Variants in C1QTNF3 observed in about 807,000 individuals in gnomAD.
The protein encoded by C1QTNF3 is complement C1q tumor necrosis factor-related protein 3.
C1QTNF3 carries 26 observed loss-of-function variants against 32.6 expected under a neutral mutation model. The ratio of observed to expected loss-of-function variants is 0.80; its 90% CI spans 0.58 to 1.11. The LOEUF is 1.11. C1QTNF3 is among the 50% of genes least tolerant of loss of function. The pLI is 0.00. For missense variants in C1QTNF3, 362 were observed against 398.2 expected, an observed-to-expected ratio of 0.91 and a Z score of 0.77; for synonymous variants, 155 against 146.0, an observed-to-expected ratio of 1.06 and a Z score of -0.44.
At chr5:34,076,839 T>G in the C1QTNF3 span, among the ~76,000 whole-genome samples, 12 of 151,458 alleles carry the variant, frequency 7.9e-5, no homozygotes, top group Non-Finnish European at 1.2e-4. Context: ...CTTGGCATAG[T>G]TGGTCCTGAG....
the C1QTNF3 span, among the ~76,000 whole-genome samples, chr5:34,127,071 T>C: frequency 6.6e-6 from 1 of 152,234 alleles, no homozygotes; most frequent in Non-Finnish European, 1.5e-5. Flanking sequence ...CTGAGTCCTC[T>C]ACAGCCATGA....
chr5:34,132,966 G>A, the C1QTNF3 span, among the ~76,000 whole-genome samples: 3 of 152,126 alleles, frequency 2.0e-5, no homozygotes, highest in African/African-American at 7.2e-5. Context: ...ATTAGATTGT[G>A]CATTAGCCGT....
the C1QTNF3 span, chr5:34,175,404 C>T: frequency 6.1e-6 from 1 of 163,954 alleles, no homozygotes; most frequent in African/African-American, 2.4e-5. Context: ...TTCGATGAGC[C>T]TGCTTTTCGC....
chr5:34,177,172 G>C, the C1QTNF3 span, among the ~76,000 whole-genome samples: 10 of 152,252 alleles, frequency 6.6e-5, no homozygotes, highest in East Asian at 1.9e-4. Context: ...CTGGGCAACA[G>C]AGTGAGGCTG....
At chr5:34,077,188 C>T in the C1QTNF3 span, among the ~76,000 whole-genome samples, 9 of 151,544 alleles carry the variant, frequency 5.9e-5, no homozygotes, top group Non-Finnish European at 8.8e-5. Context: ...GTTACACAAC[C>T]GCAGCTGTTT....
the C1QTNF3 span, among the ~76,000 whole-genome samples, chr5:34,217,037 T>C: frequency 6.6e-6 from 1 of 152,178 alleles, no homozygotes; most frequent in African/African-American, 2.4e-5. Flanking sequence ...ACAGACACTA[T>C]TCATCTATAC....
the C1QTNF3 span, among the ~76,000 whole-genome samples, chr5:34,175,116 T>A: frequency 2.0e-5 from 3 of 148,718 alleles, no homozygotes; most frequent in Admixed American, 2.0e-4. Context: ...TAATCACAGC[T>A]TACTGCAGCC....
chr5:34,211,916 A>G, the C1QTNF3 span, among the ~76,000 whole-genome samples: 1 of 152,162 alleles, frequency 6.6e-6, no homozygotes. Context: ...TAAAGTTCAT[A>G]TGGAACCAAA....
the C1QTNF3 span, among the ~76,000 whole-genome samples, chr5:34,195,573 G>A: frequency 6.6e-6 from 1 of 152,248 alleles, no homozygotes; most frequent in Non-Finnish European, 1.5e-5. Flanking sequence ...CGGGCGCGGT[G>A]GCTCATGCCT....
chr5:34,237,014 T>A, the C1QTNF3 span, among the ~76,000 whole-genome samples: 3 of 152,156 alleles, frequency 2.0e-5, no homozygotes, highest in African/African-American at 7.2e-5. Flanking sequence ...AGATATAGTA[T>A]CACAAAGGCG....
chr5:34,081,550 C>T, the C1QTNF3 span, among the ~76,000 whole-genome samples: 77,505 of 150,698 alleles, frequency 0.51, 22,156 homozygotes, highest in Non-Finnish European at 0.63. Context: ...TTTGAATCAA[C>T]AGAGAATAAA....
chr5:34,140,468 CA>C, the C1QTNF3 span, among the ~76,000 whole-genome samples: 1 of 151,962 alleles, frequency 6.6e-6, no homozygotes, highest in Non-Finnish European at 1.5e-5. Context: ...TAACACTGTC[CA>C]ATACATTAAG....
the C1QTNF3 span, among the ~76,000 whole-genome samples, chr5:34,135,275 T>C: frequency 6.6e-6 from 1 of 152,172 alleles, no homozygotes; most frequent in Non-Finnish European, 1.5e-5. Context: ...GCCGATCTTA[T>C]TGTGGTGGAT....
chr5:34,135,071 T>C, the C1QTNF3 span, among the ~76,000 whole-genome samples: 1 of 152,204 alleles, frequency 6.6e-6, no homozygotes, highest in African/African-American at 2.4e-5. Context: ...AAATAGCTCT[T>C]ACTATTTTGA....
At chr5:34,039,426 C>T (rs1048558285) in intron 1 of C1QTNF3, among the ~76,000 whole-genome samples, 13 of 152,136 alleles carry the variant, frequency 8.5e-5, no homozygotes, top group African/African-American at 2.2e-4. Flanking sequence ...TCTCTCCTTC[C>T]GCCTTATGAC....
the C1QTNF3 span, chr5:34,169,173 G>A: frequency 2.0e-5 from 3 of 152,098 alleles, no homozygotes; most frequent in Admixed American, 6.6e-5. Context: ...ATCAATTTCT[G>A]TTCTTTATAA....
At chr5:34,119,322 C>T in the C1QTNF3 span, among the ~76,000 whole-genome samples, 7 of 152,192 alleles carry the variant, frequency 4.6e-5, no homozygotes, top group South Asian at 4.1e-4. Flanking sequence ...AGAATTATCC[C>T]AATGATAGGG....
chr5:34,038,001 G>A (rs1490056034), intron 1 of C1QTNF3, among the ~76,000 whole-genome samples: 1 of 152,148 alleles, frequency 6.6e-6, no homozygotes, highest in Non-Finnish European at 1.5e-5. Flanking sequence ...TGGAACCATC[G>A]ATATAGGAAT....
the C1QTNF3 span, among the ~76,000 whole-genome samples, chr5:34,202,048 C>T: frequency 3.6e-3 from 545 of 152,302 alleles, 1 homozygote; most frequent in Non-Finnish European, 5.8e-3. Context: ...CCAGAATCAA[C>T]AATAGCAAGA....
Sources: allele counts gnomAD v4.1 joint callset (sites outside exome capture counted in the v4.1 genomes callset), GRCh38; gene constraint gnomAD v4.1.1; transcripts MANE v1.5; gene names NCBI Gene and HGNC (gene_info 2026-07-23, HGNC 2026-07-21).